The following TMPRSS11F variants were observed in gnomAD, a reference collection of about 807,000 sequenced individuals.
The protein encoded by TMPRSS11F is transmembrane serine protease 11F, also known as transmembrane protease serine 11F.
In TMPRSS11F, 47 loss-of-function variants were observed where a neutral mutation model predicts 60.2. The observed-to-expected ratio is 0.78, with a 90% CI of 0.62 to 1.00. The LOEUF is 1.00. Among genes scored for constraint, TMPRSS11F ranks in the 50% least tolerant of loss-of-function variants. The probability of loss-of-function intolerance (pLI) is 0.00; values close to 1 mark genes in which losing one functional copy is unlikely to be tolerated. For missense variants in TMPRSS11F, 519 were observed against 522.9 expected (o/e 0.99, Z 0.07); for synonymous variants, 166 against 167.3 (o/e 0.99, Z 0.06).
chr4:68,103,227 G>A (rs562646051), intron 1 of TMPRSS11F, among the ~76,000 whole-genome samples: 41 of 152,188 alleles, frequency 2.7e-4, no homozygotes, highest in Admixed American at 1.2e-3. Context: ...GATCACTTCA[G>A]TCCAGGAGTT....
chr4:68,059,201 A>G (rs1723105216), intron 9 of TMPRSS11F, 125 bp downstream of exon 9: 2 of 954,654 alleles, frequency 2.1e-6, no homozygotes, highest in East Asian at 5.2e-5. Flanking sequence ...TATGATTATT[A>G]AATAAAGTCA....
intron 2 of TMPRSS11F, among the ~76,000 whole-genome samples, chr4:68,091,747 A>ATC (rs372346277): frequency 0.033 from 2,327 of 71,034 alleles, 40 homozygotes; most frequent in African/African-American, 0.066. Context: ...TTAATCTCTA[A>ATC]TCTCTCTCTC....
At chr4:68,066,770 C>G (rs913544173) in intron 7 of TMPRSS11F, among the ~76,000 whole-genome samples, 4 of 151,628 alleles carry the variant, frequency 2.6e-5, no homozygotes, top group Middle Eastern at 3.4e-3. Flanking sequence ...CCTGTCACTA[C>G]TAAAAATAAA....
intron 1 of TMPRSS11F, among the ~76,000 whole-genome samples, chr4:68,102,526 G>C (rs1724214557): frequency 1.3e-5 from 2 of 152,084 alleles, no homozygotes; most frequent in South Asian, 4.1e-4. Flanking sequence ...GGAGTGTGAG[G>C]TGGTATCTCA....
chr4:68,090,899 G>A (rs1483402659), intron 2 of TMPRSS11F, among the ~76,000 whole-genome samples: 2 of 152,108 alleles, frequency 1.3e-5, no homozygotes, highest in East Asian at 1.9e-4. Flanking sequence ...TCATAAAATT[G>A]GACATGCAAC....
At chr4:68,056,076 A>G (rs1207499513) in intron 9 of TMPRSS11F, among the ~76,000 whole-genome samples, 1 of 152,198 alleles carries the variant, frequency 6.6e-6, no homozygotes. Context: ...TTATTATTAA[A>G]GCCATAGTGA....
intron 2 of TMPRSS11F, among the ~76,000 whole-genome samples, chr4:68,095,757 A>G (rs779729264): frequency 5.3e-5 from 8 of 151,956 alleles, no homozygotes; most frequent in Admixed American, 2.6e-4. Context: ...TTATCTGGGC[A>G]TGGTGGCGGG....
intron 7 of TMPRSS11F, among the ~76,000 whole-genome samples, chr4:68,065,805 T>A (rs570875170): frequency 1.1e-4 from 17 of 149,444 alleles, no homozygotes; most frequent in African/African-American, 3.9e-4. Flanking sequence ...GTTTCCTAAG[T>A]GCTGCACTGC....
At chr4:68,078,957 TTATTA>T (rs1249932672) in intron 3 of TMPRSS11F, among the ~76,000 whole-genome samples, 7 of 151,890 alleles carry the variant, frequency 4.6e-5, no homozygotes, top group Admixed American at 1.3e-4. Flanking sequence ...ATTAGGAGTC[TTATTA>T]TATTAGAGTA....
chr4:68,067,673 ATAAG>A (rs1010732461), intron 7 of TMPRSS11F, among the ~76,000 whole-genome samples: 44 of 152,336 alleles, frequency 2.9e-4, no homozygotes, highest in Admixed American at 1.3e-4. Context: ...ATACACATAT[ATAAG>A]TGAGTCCCTT....
At chr4:68,068,107 T>G (rs1723367898) in intron 7 of TMPRSS11F, among the ~76,000 whole-genome samples, 1 of 152,100 alleles carries the variant, frequency 6.6e-6, no homozygotes. Flanking sequence ...AGGTAGCAGG[T>G]CTCTCCCACC....
chr4:68,056,363 G>T (rs1040553585), intron 9 of TMPRSS11F, among the ~76,000 whole-genome samples: 1 of 149,826 alleles, frequency 6.7e-6, no homozygotes, highest in Admixed American at 6.7e-5. Flanking sequence ...ACTCAGTAGT[G>T]TTTCCATATA....
At chr4:68,105,510 G>A (rs1724287824) in intron 1 of TMPRSS11F, among the ~76,000 whole-genome samples, 1 of 152,100 alleles carries the variant, frequency 6.6e-6, no homozygotes, top group Admixed American at 6.6e-5. Flanking sequence ...TCTGTAAAAT[G>A]AAGAATAAAA....
chr4:68,065,868 A>G (rs1723315016), intron 7 of TMPRSS11F, among the ~76,000 whole-genome samples: 1 of 152,128 alleles, frequency 6.6e-6, no homozygotes, highest in African/African-American at 2.4e-5. Flanking sequence ...CTGTAATCCC[A>G]GCACTTTGGG....
intron 1 of TMPRSS11F, among the ~76,000 whole-genome samples, chr4:68,105,132 C>T (rs1255432272): frequency 1.5e-5 from 2 of 135,602 alleles, no homozygotes; most frequent in African/African-American, 5.6e-5. Flanking sequence ...CAAAATTCAG[C>T]TGTGAAGCCA....
At chr4:68,093,529 A>G (rs1723996708) in intron 2 of TMPRSS11F, among the ~76,000 whole-genome samples, 1 of 152,180 alleles carries the variant, frequency 6.6e-6, no homozygotes, top group Non-Finnish European at 1.5e-5. Flanking sequence ...AATGGCAATA[A>G]AAGCCAAAAT....
chr4:68,095,895 CAAAAAAAAA>C (rs56309846), intron 2 of TMPRSS11F, among the ~76,000 whole-genome samples: 2 of 83,556 alleles, frequency 2.4e-5, no homozygotes, highest in South Asian at 9.9e-4. Flanking sequence ...GATTCCATCT[CAAAAAAAAA>C]AAAAAAAAAA....
chr4:68,068,693 A>G lies in TMPRSS11F; in HGVS notation c.680T>C (p.Ile227Thr), dbSNP rs774823128. The part of the protein sequence containing the change: ...EWPWQASLQL[I>T]GSGHQCGASL... The stretch of plus-strand genomic sequence containing the variant: ...GGCTCCACACTGATGGCCTGACCCT[A>G]TGAGCTGGAGGCTGGCCTGCCATGG... Residue 227 changes from isoleucine (I) to threonine (T), a missense_variant, in exon 7 of 10, where the codon ATA (isoleucine) becomes ACA (threonine). Physicochemically the swap from Ile to Thr is moderately conservative, Grantham distance 89 (BLOSUM62 -1). Transcript: ENST00000356291. 12 of 1,614,054 alleles carry G rather than the reference A, an allele frequency of 7.4e-6. No homozygotes were observed. Among genetic ancestry groups the G allele is most frequent in the African/African-American group, 1.3e-5 (1 of 74,922 alleles).
chr4:68,074,789 C>A (rs1214764657), intron 3 of TMPRSS11F, among the ~76,000 whole-genome samples: 1 of 152,140 alleles, frequency 6.6e-6, no homozygotes, highest in Admixed American at 6.5e-5. Context: ...TGAGGCACTG[C>A]CTTTTTGTCA....
Sources: gnomAD v4.1 joint callset for allele counts (sites outside exome capture counted in the v4.1 genomes callset) on GRCh38, gnomAD v4.1.1 for gene constraint, MANE v1.5 for transcripts, NCBI Gene and HGNC (gene_info 2026-07-23, HGNC 2026-07-21) for gene names.